PLAC1: variants seen among roughly 807,000 people sequenced by gnomAD.
PLAC1 encodes placenta associated 1, also known as placenta-specific protein 1.
For missense variants in PLAC1, 136 were observed against 163.2 expected (o/e 0.83, Z 0.91); for synonymous variants, 68 against 62.1 (o/e 1.09, Z -0.44).
At chrX:134,650,292 C>T (rs1460423288) in intron 1 of PLAC1, among the ~76,000 whole-genome samples, 3 of 111,868 alleles carry the variant, frequency 2.7e-5, no homozygotes, top group South Asian at 3.8e-4. Context: ...ATAGGAGTGT[C>T]GGCCATGACC....
intron 1 of PLAC1, among the ~76,000 whole-genome samples, chrX:134,609,375 C>T (rs997292704): frequency 8.9e-6 from 1 of 112,106 alleles, no homozygotes; most frequent in African/African-American, 3.2e-5. Context: ...GTAAGCTACA[C>T]GAAGGCAGGG....
At chrX:134,584,977 C>A (rs1602800792) in intron 2 of PLAC1, among the ~76,000 whole-genome samples, 1 of 110,592 alleles carries the variant, frequency 9.0e-6, no homozygotes, top group Admixed American at 9.7e-5. Flanking sequence ...TAAATAAAAA[C>A]AACAAGGAAT....
chrX:134,678,237 C>T (rs1219175233), intron 2 of PLAC1, among the ~76,000 whole-genome samples: 1 of 111,848 alleles, frequency 8.9e-6, no homozygotes, highest in Admixed American at 9.5e-5. Context: ...TTCCATGGCC[C>T]ACAACACCCT....
At chrX:134,651,098 G>C (rs1210519545) in intron 1 of PLAC1, 1 of 277,422 alleles carries the variant, frequency 3.6e-6, no homozygotes, top group African/African-American at 2.7e-5. Flanking sequence ...TCAGTGAGAA[G>C]CATGTTGTCT....
At chrX:134,709,026 A>G (rs2078619531) in intron 2 of PLAC1, among the ~76,000 whole-genome samples, 1 of 112,188 alleles carries the variant, frequency 8.9e-6, no homozygotes, top group Admixed American at 9.5e-5. Flanking sequence ...CCGTGAATCT[A>G]TAATTATATT....
chrX:134,670,985 T>G (rs1361125758), intron 2 of PLAC1, among the ~76,000 whole-genome samples: 1 of 112,063 alleles, frequency 8.9e-6, no homozygotes, highest in Non-Finnish European at 1.9e-5. Flanking sequence ...CAAAGCATAA[T>G]GTGATTGCCT....
intron 2 of PLAC1, among the ~76,000 whole-genome samples, chrX:134,670,394 C>A (rs951518624): frequency 1.8e-5 from 2 of 111,858 alleles, no homozygotes; most frequent in Non-Finnish European, 3.8e-5. Context: ...TCAATGTTTG[C>A]AGAAAATGTT....
chrX:134,733,267 C>T (rs375529752), intron 2 of PLAC1, among the ~76,000 whole-genome samples: 4 of 109,854 alleles, frequency 3.6e-5, no homozygotes, highest in South Asian at 4.0e-4. Context: ...AGAGAACTTC[C>T]GGGGCTTAGA....
chrX:134,627,051 A>G (rs1024068762), intron 1 of PLAC1, among the ~76,000 whole-genome samples: 1 of 110,602 alleles, frequency 9.0e-6, no homozygotes, highest in African/African-American at 3.3e-5. Flanking sequence ...CTTAAAAAAA[A>G]AAATGACAGC....
intron 1 of PLAC1, among the ~76,000 whole-genome samples, chrX:134,617,002 G>A (rs1442287855): frequency 9.4e-6 from 1 of 106,118 alleles, no homozygotes; most frequent in African/African-American, 3.5e-5. Context: ...TGGTGGGGGG[G>A]TGGGGAGACT....
chrX:134,685,390 T>C (rs933694665), intron 2 of PLAC1, among the ~76,000 whole-genome samples: 2 of 103,839 alleles, frequency 1.9e-5, no homozygotes, highest in African/African-American at 3.6e-5. Context: ...GTCTGTTGAA[T>C]AAGGGGAGGT....
At chrX:134,576,758 T>C (rs2077941432) in intron 2 of PLAC1, among the ~76,000 whole-genome samples, 1 of 110,146 alleles carries the variant, frequency 9.1e-6, no homozygotes, top group East Asian at 2.8e-4. Context: ...ATGTGAGACA[T>C]GTAGGAAGAA....
At chrX:134,607,846 C>T (rs1049457305) in intron 1 of PLAC1, among the ~76,000 whole-genome samples, 1 of 110,430 alleles carries the variant, frequency 9.1e-6, no homozygotes, top group Non-Finnish European at 1.9e-5. Context: ...CAGCAAGGAA[C>T]TCAATTCTGT....
chrX:134,583,765 C>T (rs1020909856), intron 2 of PLAC1, among the ~76,000 whole-genome samples: 4 of 110,647 alleles, frequency 3.6e-5, no homozygotes, highest in Non-Finnish European at 5.7e-5. Context: ...ACTAGAGTCC[C>T]ATCAATCTGC....
At chrX:134,628,968 T>G (rs2078248218) in intron 1 of PLAC1, among the ~76,000 whole-genome samples, 1 of 112,167 alleles carries the variant, frequency 8.9e-6, no homozygotes, top group South Asian at 3.7e-4. Context: ...CTGGTTCAAG[T>G]TGAAATTAGC....
intron 2 of PLAC1, among the ~76,000 whole-genome samples, chrX:134,589,932 A>G (rs1420174634): frequency 6.3e-5 from 7 of 110,987 alleles, no homozygotes; most frequent in Non-Finnish European, 1.1e-4. Context: ...GCGGTGGCTC[A>G]CGCCTGTAAT....
chrX:134,674,808 T>C (rs1359709268), intron 2 of PLAC1, among the ~76,000 whole-genome samples: 2 of 112,287 alleles, frequency 1.8e-5, no homozygotes, highest in African/African-American at 6.5e-5. Context: ...TCTCACTCCT[T>C]CCTCTTCCTG....
At chrX:134,745,065 G>A in intron 1 of PLAC1, among the ~76,000 whole-genome samples, 1 of 111,311 alleles carries the variant, frequency 9.0e-6, no homozygotes, top group Non-Finnish European at 1.9e-5. Context: ...GAAATCCAGA[G>A]GCACATGGCT....
At chrX:134,596,627 C>A (rs1220744523) in intron 2 of PLAC1, among the ~76,000 whole-genome samples, 2 of 111,667 alleles carry the variant, frequency 1.8e-5, no homozygotes, top group East Asian at 5.6e-4. Context: ...CAGAGCCTCA[C>A]TCTGTGACTC....
Sources: gnomAD v4.1 joint callset for allele counts (sites outside exome capture counted in the v4.1 genomes callset) on GRCh38, gnomAD v4.1.1 for gene constraint, MANE v1.5 for transcripts, NCBI Gene and HGNC (gene_info 2026-07-23, HGNC 2026-07-21) for gene names.